CHLSN: variants seen among roughly 807,000 people sequenced by gnomAD.
CHLSN encodes cholesin.
the CHLSN span, chr7:1,028,743 T>G: frequency 9.8e-6 from 4 of 407,322 alleles, no homozygotes; most frequent in Non-Finnish European, 1.2e-5. Flanking sequence ...CATAGACCCA[T>G]CTCCCCCAGT....
chr7:992,273 GCTGGCC>G, the CHLSN span, among the ~76,000 whole-genome samples: 1 of 152,186 alleles, frequency 6.6e-6, no homozygotes, highest in Non-Finnish European at 1.5e-5. Flanking sequence ...TGGGTCTGAG[GCTGGCC>G]CTCAGCCGTG....
At chr7:1,066,973 C>G in the CHLSN span, among the ~76,000 whole-genome samples, 1 of 144,594 alleles carries the variant, frequency 6.9e-6, no homozygotes, top group Non-Finnish European at 1.5e-5. Flanking sequence ...GGAGTGCACC[C>G]AGAGGTGAGG....
chr7:1,104,331 C>T, the CHLSN span, among the ~76,000 whole-genome samples: 6 of 152,196 alleles, frequency 3.9e-5, no homozygotes, highest in Non-Finnish European at 8.8e-5. Context: ...CCCAGGACTT[C>T]GAGGCTGCAG....
the CHLSN span, among the ~76,000 whole-genome samples, chr7:1,041,641 A>G: frequency 0.019 from 2,826 of 152,320 alleles, 119 homozygotes; most frequent in East Asian, 0.2. Context: ...GCCACAAAGA[A>G]AGTCACAAGC....
the CHLSN span, among the ~76,000 whole-genome samples, chr7:1,099,802 G>A: frequency 6.6e-6 from 1 of 152,224 alleles, no homozygotes; most frequent in Non-Finnish European, 1.5e-5. Context: ...GCTGTGTGCT[G>A]TTCGCAGACA....
At chr7:1,106,216 C>A in the CHLSN span, among the ~76,000 whole-genome samples, 1 of 152,326 alleles carries the variant, frequency 6.6e-6, no homozygotes, top group African/African-American at 2.4e-5. Context: ...GCCAGCCACG[C>A]GGACTCTCCA....
chr7:1,016,859 ACAGCACACAG>A, the CHLSN span, among the ~76,000 whole-genome samples: 1 of 52,638 alleles, frequency 1.9e-5, no homozygotes, highest in Non-Finnish European at 3.4e-5. Context: ...ACAGCAGCAC[ACAGCACACAG>A]CAGCGCACAG....
At chr7:1,095,698 G>T in the CHLSN span, among the ~76,000 whole-genome samples, 4 of 152,232 alleles carry the variant, frequency 2.6e-5, no homozygotes, top group Admixed American at 2.6e-4. Context: ...ACCACACCAA[G>T]GAGGCACTAG....
chr7:987,289 G>T, the CHLSN span: 1 of 1,508,392 alleles, frequency 6.6e-7, no homozygotes, highest in Non-Finnish European at 8.9e-7. Flanking sequence ...CTGCCCCCGG[G>T]GGACCCCCAG....
the CHLSN span, among the ~76,000 whole-genome samples, chr7:992,144 C>T: frequency 1.3e-5 from 2 of 152,148 alleles, no homozygotes. Context: ...GCTCCCCGGA[C>T]GTCTGTCCTC....
chr7:1,006,453 CG>C, the CHLSN span, among the ~76,000 whole-genome samples: 11 of 145,536 alleles, frequency 7.6e-5, no homozygotes, highest in African/African-American at 2.6e-4. Flanking sequence ...AAAGAGCACA[CG>C]ACGGCCACAG....
At chr7:1,051,549 C>T in the CHLSN span, among the ~76,000 whole-genome samples, 2 of 152,244 alleles carry the variant, frequency 1.3e-5, no homozygotes, top group African/African-American at 4.8e-5. Flanking sequence ...CAGGCCCAGC[C>T]TTGAAGCTGT....
At chr7:1,016,643 GCACAGCAGCA>G in the CHLSN span, among the ~76,000 whole-genome samples, 51 of 65,198 alleles carry the variant, frequency 7.8e-4, 3 homozygotes, top group South Asian at 3.0e-3. Flanking sequence ...GCACGCCAGC[GCACAGCAGCA>G]CACAGCAGCG....
At chr7:1,041,393 G>A in the CHLSN span, among the ~76,000 whole-genome samples, 4 of 128,646 alleles carry the variant, frequency 3.1e-5, no homozygotes, top group African/African-American at 1.1e-4. Flanking sequence ...CGGGACCTGG[G>A]GTCCGCGCTG....
the CHLSN span, among the ~76,000 whole-genome samples, chr7:1,070,322 C>T: frequency 4.2e-5 from 6 of 143,226 alleles, no homozygotes; most frequent in East Asian, 2.0e-4. Flanking sequence ...GTCAGCCCCC[C>T]GCCTGGCCAG....
chr7:1,043,192 C>T, the CHLSN span, among the ~76,000 whole-genome samples: 1 of 151,956 alleles, frequency 6.6e-6, no homozygotes, highest in Non-Finnish European at 1.5e-5. Flanking sequence ...TGTCATTGCA[C>T]TCCAGCCTGG....
the CHLSN span, among the ~76,000 whole-genome samples, chr7:1,034,265 CTT>C: frequency 6.6e-6 from 1 of 152,180 alleles, no homozygotes; most frequent in African/African-American, 2.4e-5. Context: ...AAGAAACAAA[CTT>C]TGAAGAATCC....
chr7:1,131,196 A>G, the CHLSN span, among the ~76,000 whole-genome samples: 4 of 28,018 alleles, frequency 1.4e-4, no homozygotes, highest in Admixed American at 3.0e-4. Flanking sequence ...GTGTTTAAAA[A>G]AAAAAAAAAA....
At chr7:1,007,524 G>A in the CHLSN span, among the ~76,000 whole-genome samples, 1 of 152,206 alleles carries the variant, frequency 6.6e-6, no homozygotes, top group Non-Finnish European at 1.5e-5. Flanking sequence ...CGTGGGCTCT[G>A]ATCTGGCAGC....
Sources: gnomAD v4.1 joint callset for allele counts (sites outside exome capture counted in the v4.1 genomes callset) on GRCh38, gnomAD v4.1.1 for gene constraint, MANE v1.5 for transcripts, NCBI Gene and HGNC (gene_info 2026-07-23, HGNC 2026-07-21) for gene names.